The following MCU variants were observed in gnomAD, a reference collection of about 807,000 sequenced individuals.
The protein encoded by MCU is calcium uniporter protein, mitochondrial.
A neutral mutation model predicts 45.2 loss-of-function variants in MCU; 12 were observed. That is an observed-to-expected ratio of 0.27 (90% CI 0.17 to 0.43). MCU has a LOEUF of 0.43. Among genes scored for constraint, MCU ranks in the 20% least tolerant of loss-of-function variants. The pLI, the probability that MCU is intolerant of heterozygous loss-of-function variation, is 1.00. For synonymous variants in MCU, 160 were observed against 165.1 expected (o/e 0.97, Z 0.24); for missense variants, 324 against 436.7 (o/e 0.74, Z 2.30).
intron 1 of MCU, among the ~76,000 whole-genome samples, chr10:72,723,881 A>G (rs573922117): frequency 6.0e-4 from 91 of 152,346 alleles, no homozygotes; most frequent in African/African-American, 2.0e-3. Context: ...TACACTCACA[A>G]GTAACAGCCA....
chr10:72,803,344 T>C (rs1443747113), intron 1 of MCU, among the ~76,000 whole-genome samples: 1 of 151,554 alleles, frequency 6.6e-6, no homozygotes, highest in East Asian at 1.9e-4. Context: ...TGATACTCAG[T>C]GAGCCTGAGG....
chr10:72,710,555 T>TG (rs887795337), intron 1 of MCU, among the ~76,000 whole-genome samples: 2 of 147,814 alleles, frequency 1.4e-5, no homozygotes, highest in African/African-American at 5.1e-5. Flanking sequence ...TTTTTTTTTT[T>TG]TTTTTTTTTT....
intron 1 of MCU, among the ~76,000 whole-genome samples, chr10:72,751,450 G>A (rs914141673): frequency 2.1e-5 from 3 of 144,622 alleles, no homozygotes; most frequent in South Asian, 2.2e-4. Context: ...TGCCTCCTGG[G>A]TTCAAGTGAT....
intron 6 of MCU, among the ~76,000 whole-genome samples, chr10:72,873,953 G>C (rs538428844): frequency 1.8e-4 from 27 of 152,172 alleles, no homozygotes; most frequent in African/African-American, 6.3e-4. Flanking sequence ...TGTTTCTTTG[G>C]TCTATGTGTC....
intron 1 of MCU, among the ~76,000 whole-genome samples, chr10:72,744,561 C>T (rs1376913455): frequency 2.0e-5 from 3 of 152,130 alleles, no homozygotes; most frequent in Non-Finnish European, 2.9e-5. Flanking sequence ...ACCCAGGAGG[C>T]GGAGGTTACA....
chr10:72,875,817 G>T (rs1204047796), intron 6 of MCU, among the ~76,000 whole-genome samples: 1 of 152,228 alleles, frequency 6.6e-6, no homozygotes, highest in African/African-American at 2.4e-5. Flanking sequence ...AAAAGGAGCT[G>T]GGCAGTAAGA....
intron 1 of MCU, among the ~76,000 whole-genome samples, chr10:72,776,915 G>A (rs1296361481): frequency 2.0e-5 from 3 of 152,090 alleles, no homozygotes; most frequent in Admixed American, 2.0e-4. Flanking sequence ...ATTTATATAT[G>A]TTAACAGCAA....
intron 2 of MCU, among the ~76,000 whole-genome samples, chr10:72,857,428 CAG>C (rs1845310645): frequency 6.6e-6 from 1 of 151,972 alleles, no homozygotes; most frequent in African/African-American, 2.4e-5. Flanking sequence ...TTAGTAGAGA[CAG>C]GGTTTTACCA....
At chr10:72,774,608 A>G (rs1843862366) in intron 1 of MCU, among the ~76,000 whole-genome samples, 1 of 152,122 alleles carries the variant, frequency 6.6e-6, no homozygotes, top group Non-Finnish European at 1.5e-5. Context: ...GAGTGGCTCC[A>G]TGGATAAAGA....
intron 1 of MCU, among the ~76,000 whole-genome samples, chr10:72,740,117 C>CA (rs951163781): frequency 1.3e-5 from 2 of 152,014 alleles, no homozygotes; most frequent in African/African-American, 2.4e-5. Context: ...CACGGTGGCT[C>CA]ACGCCTGTAA....
At position 72,884,268 on chromosome 10, in the gene MCU, A is replaced by G; in HGVS notation, c.864A>G (p.Glu288=). Residue 288 remains glutamate (E), a splice_region_variant and synonymous_variant, in exon 7 of 8, where the codon GAA becomes GAG. Coordinates refer to ENST00000373053, the MANE Select transcript of MCU (RefSeq NM_138357.3). ...MYAYFVMTRQ[E]YVYPEARDRQ... ...ATTCCGTTTCTTCATTTTTTTAGGA[A>G]TATGTTTATCCAGAAGCCAGAGACA... is the stretch of plus-strand genomic sequence containing the variant. The G allele has an allele frequency of 2.5e-6, 4 of 1,572,812 alleles. No homozygotes were observed. The highest frequency in any genetic ancestry group is 2.2e-5 in the South Asian group (2 of 89,984).
intron 1 of MCU, among the ~76,000 whole-genome samples, chr10:72,730,262 TCAA>T (rs937714775): frequency 5.5e-5 from 8 of 145,842 alleles, no homozygotes; most frequent in Non-Finnish European, 1.2e-4. Context: ...TGCCCAGCCT[TCAA>T]CATTCTTTTA....
intron 6 of MCU, among the ~76,000 whole-genome samples, chr10:72,876,957 T>C (rs1017937397): frequency 6.6e-6 from 1 of 151,258 alleles, no homozygotes; most frequent in African/African-American, 2.4e-5. Context: ...GGTTTTACTC[T>C]GTCTCCTAGG....
In MCU at chr10:72,692,163, C is replaced by T. The variant is rs780598597; in HGVS notation, c.12C>T (p.Ala4=). 5.7e-5 allele frequency: 73 copies of T among 1,291,306 alleles called. No individual in the cohort carries two copies. The highest frequency in any genetic ancestry group is 2.5e-4 in the Middle Eastern group (1 of 3,978). 80.0% of individuals were successfully genotyped at this position (1,291,306 alleles called of 1,614,324 possible). A position where few individuals can be genotyped will look rare whatever the true frequency, so the allele number is the denominator to read the frequency against. The change falls in exon 1 of 8, where the codon GCC becomes GCT. Residue 4 remains alanine (A), a synonymous_variant. Transcript: ENST00000373053. MAA[A]AGRSLLLLLS... is the part of the protein sequence containing the mutation. ...TTTCCAGTTGAGAGATGGCGGCCGC[C>T]GCAGGTAGATCGCTCCTGCTGCTCC...
At chr10:72,722,139 G>A (rs1490951287) in intron 1 of MCU, among the ~76,000 whole-genome samples, 2 of 151,988 alleles carry the variant, frequency 1.3e-5, no homozygotes, top group Middle Eastern at 3.4e-3. Context: ...AAATATTAAC[G>A]TGTAGATTAG....
intron 1 of MCU, among the ~76,000 whole-genome samples, chr10:72,696,913 T>G (rs1842695008): frequency 6.6e-6 from 1 of 152,144 alleles, no homozygotes; most frequent in Admixed American, 6.5e-5. Context: ...TACACTTCTT[T>G]ATGGTGGATT....
At chr10:72,748,175 G>A (rs535416370) in intron 1 of MCU, among the ~76,000 whole-genome samples, 1 of 152,068 alleles carries the variant, frequency 6.6e-6, no homozygotes, top group South Asian at 2.1e-4. Flanking sequence ...AGCCACCTGA[G>A]TAGCTGGGAC....
Position 72,886,633 on chromosome 10 carries a change from A to G in MCU, c.*811A>G, listed in dbSNP as rs1425370254. On this transcript the variant is annotated 3_prime_UTR_variant, in exon 8 of 8. Coordinates refer to ENST00000373053, the MANE Select transcript of MCU (RefSeq NM_138357.3). ...CCCCTCTCCCTCCAGAACACAAATCAGAGGGAAAGGGGGTGTTCAGCTGTA... is the reference window on the plus strand; with the variant it reads ...CCCCTCTCCCTCCAGAACACAAATCGGAGGGAAAGGGGGTGTTCAGCTGTA... The G allele has an allele frequency of 1.3e-5, 2 of 152,338 alleles. No individual in the cohort carries two copies. The highest frequency in any genetic ancestry group is 2.9e-5 in the Non-Finnish European group (2 of 68,036). 9.4% of individuals were successfully genotyped at this position (152,338 alleles called of 1,614,324 possible). A position where few individuals can be genotyped will look rare whatever the true frequency, so the allele number is the denominator to read the frequency against.
chr10:72,729,858 C>A lies in MCU; in HGVS notation c.150+37557C>A, dbSNP rs577139407. Among the ~76,000 whole-genome samples the A allele has an allele frequency of 6.6e-5, 10 of 152,256 alleles. No homozygotes were observed. The South Asian group carries it at 2.1e-3, about 32-fold the overall frequency. ...CCACTAGGTGCAGTAGCACTTCCCT[C>A]CCTAGCTGATAGCCAAAAATGTCTT... On this transcript the variant is annotated intron_variant, in intron 1 of 7. Transcript: ENST00000373053.
Sources: gnomAD v4.1 joint callset for allele counts (sites outside exome capture counted in the v4.1 genomes callset) on GRCh38, gnomAD v4.1.1 for gene constraint, MANE v1.5 for transcripts, NCBI Gene and HGNC (gene_info 2026-07-23, HGNC 2026-07-21) for gene names.